MYO10: variants seen among roughly 807,000 people sequenced by gnomAD.
MYO10 encodes unconventional myosin-X.
MYO10 carries 133 observed loss-of-function variants against 257.3 expected under a neutral mutation model. The ratio of observed to expected loss-of-function variants is 0.52; its 90% CI spans 0.45 to 0.60. MYO10 has a LOEUF of 0.60. Ranked by LOEUF, MYO10 falls within the 20% of genes least tolerant of loss-of-function variation. The probability of loss-of-function intolerance (pLI) is 0.00; values close to 1 mark genes in which losing one functional copy is unlikely to be tolerated. For missense variants in MYO10, 2,399 were observed against 2,635.7 expected, an observed-to-expected ratio of 0.91 and a Z score of 1.97; for synonymous variants, 1,104 against 1,028.6, an observed-to-expected ratio of 1.07 and a Z score of -1.40.
In MYO10 at chr5:16,848,077, A is replaced by C. The variant is rs143897882; in HGVS notation, c.120+29532T>G. The stretch of plus-strand genomic sequence containing the variant: ...TAGCCAGCAGTTCCCAAAGTGAATT[A>C]AGGTGAATGGGCACTGATTTTATGA... On this transcript the variant is annotated intron_variant, in intron 2 of 40. Coordinates refer to ENST00000513610, the MANE Select transcript of MYO10 (RefSeq NM_012334.3). 7.4e-3 allele frequency among the ~76,000 whole-genome samples: 1,121 copies of C among 151,566 alleles called. 11 individuals are homozygous for C. Among genetic ancestry groups the C allele is most frequent in the Middle Eastern group, 0.027 (8 of 294 alleles).
intron 26 of MYO10, among the ~76,000 whole-genome samples, chr5:16,697,862 T>C (rs1426858539): frequency 6.6e-6 from 1 of 152,132 alleles, no homozygotes; most frequent in Non-Finnish European, 1.5e-5. Context: ...AGGAAGGTTC[T>C]CATATCCCTG....
At chr5:16,687,070 C>T (rs552028423) in intron 28 of MYO10, among the ~76,000 whole-genome samples, 2 of 152,128 alleles carry the variant, frequency 1.3e-5, no homozygotes, top group South Asian at 4.1e-4. Context: ...ACCTGTGATT[C>T]CAGCACTTTG....
chr5:16,836,223 T>A (rs1743308594), intron 2 of MYO10, among the ~76,000 whole-genome samples: 1 of 152,154 alleles, frequency 6.6e-6, no homozygotes. Context: ...TCTATTCAAA[T>A]TTGCATTTTA....
At chr5:16,754,220 C>T (rs1740463382) in intron 19 of MYO10, among the ~76,000 whole-genome samples, 1 of 152,128 alleles carries the variant, frequency 6.6e-6, no homozygotes, top group African/African-American at 2.4e-5. Flanking sequence ...ATATCTAACA[C>T]TATAGTTTCT....
intron 2 of MYO10, among the ~76,000 whole-genome samples, chr5:16,864,952 T>C (rs1452092095): frequency 2.0e-5 from 3 of 152,194 alleles, no homozygotes; most frequent in South Asian, 2.1e-4. Context: ...CTCTGGAGTA[T>C]AGACCGCTGA....
intron 2 of MYO10, among the ~76,000 whole-genome samples, chr5:16,864,641 T>C (rs1744192168): frequency 6.6e-6 from 1 of 152,182 alleles, no homozygotes; most frequent in Admixed American, 6.5e-5. Context: ...TTACAATAAA[T>C]GAGCTTTCTG....
At position 16,921,918 on chromosome 5, in the gene MYO10, CA is replaced by C. The variant is rs1406314764; in HGVS notation, c.21+13869del. On this transcript the variant is annotated intron_variant, in intron 1 of 40. Coordinates refer to ENST00000513610, the MANE Select transcript of MYO10 (RefSeq NM_012334.3). ...CCACTGCAACAAAGACTGATCTAGC[CA>C]AAAACGTAAAGGGGGCCGGGCACAG... Among the ~76,000 whole-genome samples the C allele has an allele frequency of 3.3e-5, 5 of 151,898 alleles. No individual in the cohort carries two copies. In the South Asian group the frequency reaches 6.2e-4, roughly 19 times the overall value.
At chr5:16,885,887 G>A (rs1246069931) in intron 1 of MYO10, among the ~76,000 whole-genome samples, 1 of 152,126 alleles carries the variant, frequency 6.6e-6, no homozygotes, top group East Asian at 1.9e-4. Context: ...GACCTGAAGT[G>A]GTAGCAGCCA....
chr5:16,714,306 A>T (rs938046581), intron 19 of MYO10, among the ~76,000 whole-genome samples: 1 of 152,036 alleles, frequency 6.6e-6, no homozygotes, highest in African/African-American at 2.4e-5. Flanking sequence ...GGAAAAAAAA[A>T]ACAGGAAGAA....
chr5:16,778,459 A>T (rs900708248), intron 9 of MYO10, among the ~76,000 whole-genome samples: 1 of 152,228 alleles, frequency 6.6e-6, no homozygotes, highest in East Asian at 1.9e-4. Flanking sequence ...AAGCGTCCCA[A>T]GAATGTTTAC....
intron 19 of MYO10, among the ~76,000 whole-genome samples, chr5:16,717,095 C>A (rs879400657): frequency 2.0e-5 from 3 of 152,186 alleles, no homozygotes; most frequent in Non-Finnish European, 4.4e-5. Flanking sequence ...CCTCACCCTT[C>A]CAAAATGCTG....
intron 23 of MYO10, 88 bp downstream of exon 23, chr5:16,702,837 G>A: frequency 8.0e-7 from 1 of 1,246,652 alleles, no homozygotes; most frequent in Non-Finnish European, 1.1e-6. Context: ...TGGGGCATCT[G>A]CTGGGATTTC....
At chr5:16,798,831 C>T (rs1742039638) in intron 3 of MYO10, among the ~76,000 whole-genome samples, 1 of 152,134 alleles carries the variant, frequency 6.6e-6, no homozygotes, top group Non-Finnish European at 1.5e-5. Context: ...ACAGTCAACA[C>T]TGCCAACCAT....
chr5:16,913,189 C>T (rs1745720899), intron 1 of MYO10, among the ~76,000 whole-genome samples: 1 of 151,658 alleles, frequency 6.6e-6, no homozygotes, highest in Non-Finnish European at 1.5e-5. Context: ...AAAAATCATG[C>T]TTGGCATTTA....
intron 2 of MYO10, among the ~76,000 whole-genome samples, chr5:16,819,963 C>T (rs917925109): frequency 4.6e-5 from 7 of 152,200 alleles, no homozygotes; most frequent in African/African-American, 1.7e-4. Flanking sequence ...GCCACTGTCC[C>T]CAGCTGCTTC....
Position 16,935,877 on chromosome 5 carries a change from CG to C in MYO10, c.-70del. On this transcript the variant is annotated 5_prime_UTR_variant, in exon 1 of 41. The change abolishes the stop of an existing upstream ORF in the 5' untranslated region. Transcript: ENST00000513610. The stretch of plus-strand genomic sequence containing the variant: ...GCGGAAGTCAGCGCCGCCGCGGGTC[CG>C]GGGAAACCATGCGTGTCACGGCGCC... The C allele has an allele frequency of 6.3e-7, 1 of 1,589,316 alleles. No homozygotes were observed. The highest frequency in any genetic ancestry group is 1.1e-5 in the South Asian group (1 of 88,188).
At chr5:16,728,377 C>T (rs1396714099) in intron 19 of MYO10, among the ~76,000 whole-genome samples, 2 of 152,122 alleles carry the variant, frequency 1.3e-5, no homozygotes, top group African/African-American at 4.8e-5. Context: ...ACACCAACTC[C>T]TTGGGGATGA....
intron 19 of MYO10, among the ~76,000 whole-genome samples, chr5:16,740,392 G>A (rs917881546): frequency 1.3e-5 from 2 of 152,186 alleles, no homozygotes; most frequent in Non-Finnish European, 1.5e-5. Flanking sequence ...AGACGGACAG[G>A]GGTGGGAGTT....
At chr5:16,798,880 T>C (rs189479530) in intron 3 of MYO10, among the ~76,000 whole-genome samples, 1,773 of 152,180 alleles carry the variant, frequency 0.012, 17 homozygotes, top group Middle Eastern at 0.017. Context: ...CCAATCCTCT[T>C]CCTCAGTTGC....
Sources: allele counts gnomAD v4.1 joint callset (sites outside exome capture counted in the v4.1 genomes callset), GRCh38; gene constraint gnomAD v4.1.1; transcripts MANE v1.5; gene names NCBI Gene and HGNC (gene_info 2026-07-23, HGNC 2026-07-21).